The following BUB3 variants were observed in gnomAD, a reference collection of about 807,000 sequenced individuals.
BUB3 encodes the protein BUB3 mitotic checkpoint protein.
BUB3 carries 22 observed loss-of-function variants against 39.9 expected under a neutral mutation model. That is an observed-to-expected ratio of 0.55 (90% CI 0.39 to 0.79). BUB3 has a LOEUF of 0.79. Ranked by LOEUF, BUB3 falls within the 30% of genes least tolerant of loss-of-function variation. BUB3 has a pLI of 0.00. For synonymous variants in BUB3, 168 were observed against 155.1 expected (o/e 1.08, Z -0.62); for missense variants, 303 against 415.4 (o/e 0.73, Z 2.35).
intron 3 of BUB3, 109 bp from the exon 4 acceptor site, chr10:123,157,620 A>G: frequency 7.6e-7 from 1 of 1,314,264 alleles, no homozygotes; most frequent in Non-Finnish European, 1.0e-6. Flanking sequence ...GGATGAGGCA[A>G]ATTCATTACA....
At chr10:123,155,891 A>C (rs61862037) in intron 3 of BUB3, among the ~76,000 whole-genome samples, 164 bp downstream of exon 3, 6 of 152,248 alleles carry the variant, frequency 3.9e-5, no homozygotes, top group African/African-American at 7.2e-5. Context: ...CCATTAAGTT[A>C]CTGATTACAG....
intron 4 of BUB3, 57 bp downstream of exon 4, chr10:123,157,937 G>T (rs1031103928): frequency 2.7e-6 from 4 of 1,498,876 alleles, no homozygotes; most frequent in Non-Finnish European, 3.6e-6. Flanking sequence ...TTTTGTCTTG[G>T]TGCATGATTG....
At chr10:123,162,514 A>G in intron 6 of BUB3, 98 bp from the exon 7 acceptor site, 11 of 1,552,978 alleles carry the variant, frequency 7.1e-6, no homozygotes, top group African/African-American at 1.4e-5. Context: ...CTTTAGGGAA[A>G]TGTAACTTCT....
chr10:123,165,089 CTTTG>C lies in BUB3; in HGVS notation c.*1259_*1262del. On this transcript the variant is annotated 3_prime_UTR_variant, in exon 8 of 8. Transcript: ENST00000368865. The stretch of plus-strand genomic sequence containing the variant: ...GTGAAAGTGGTTTCTCTATGGAAAG[CTTTG>C]TTTGCTTCCTACAAATACATGCTTA... The C allele has an allele frequency of 6.3e-7, 1 of 1,596,524 alleles. No homozygotes were observed.
At position 123,167,945 on chromosome 10, in the gene BUB3, A is replaced by G. The variant is rs1038198020; in HGVS notation, c.*4110A>G. 1.3e-5 allele frequency: 2 copies of G among 152,140 alleles called. No homozygotes were observed. The highest frequency in any genetic ancestry group is 6.6e-5 in the Admixed American group (1 of 15,266). The allele number at this position is 152,140 out of a possible 1,614,324, so 9.4% of individuals were successfully genotyped here. A position where few individuals can be genotyped will look rare whatever the true frequency, so the allele number is the denominator to read the frequency against. ...GTTGACAAATTACATTTACAAATTT[A>G]TGTAATTTTTTACGCTTTTTTTTTT... is the stretch of plus-strand genomic sequence containing the variant. On this transcript the variant is annotated 3_prime_UTR_variant, in exon 8 of 8. Coordinates refer to ENST00000368865, the MANE Select transcript of BUB3 (RefSeq NM_004725.4).
intron 2 of BUB3, among the ~76,000 whole-genome samples, chr10:123,155,398 A>T (rs1282953881): frequency 6.6e-6 from 1 of 152,228 alleles, no homozygotes; most frequent in African/African-American, 2.4e-5. Context: ...TGGCTGCCGT[A>T]TTGAAAGGAA....
chr10:123,156,010 C>T (rs1844343842), intron 3 of BUB3, among the ~76,000 whole-genome samples: 1 of 152,184 alleles, frequency 6.6e-6, no homozygotes, highest in Non-Finnish European at 1.5e-5. Flanking sequence ...TAGAAGTGGG[C>T]TGGATCCCAG....
Position 123,165,079 on chromosome 10 carries a change from C to T in BUB3, c.*1244C>T. The T allele has an allele frequency of 1.2e-6, 2 of 1,607,774 alleles. No homozygotes were observed. Among genetic ancestry groups the T allele is most frequent in the Non-Finnish European group, 1.7e-6 (2 of 1,176,260 alleles). Reference sequence around the variant, plus strand: ...TAATCATCCTGTGAAAGTGGTTTCTCTATGGAAAGCTTTGTTTGCTTCCTA... The same window carrying T: ...TAATCATCCTGTGAAAGTGGTTTCTTTATGGAAAGCTTTGTTTGCTTCCTA... On this transcript the variant is annotated 3_prime_UTR_variant, in exon 8 of 8. Coordinates refer to ENST00000368865, the MANE Select transcript of BUB3 (RefSeq NM_004725.4).
Position 123,164,808 on chromosome 10 carries a change from CT to C in BUB3, c.*975del. The C allele has an allele frequency of 7.9e-7, 1 of 1,271,972 alleles. No homozygotes were observed. Among genetic ancestry groups the C allele is most frequent in the South Asian group, 2.7e-5 (1 of 37,092 alleles). 78.8% of individuals were successfully genotyped at this position (1,271,972 alleles called of 1,614,324 possible). A position where few individuals can be genotyped will look rare whatever the true frequency, so the allele number is the denominator to read the frequency against. ...GCACTAAAGCAGAACACGAACTTAG[CT>C]TGGCCTATTCTAGGTAGTTCCAAAT... On this transcript the variant is annotated 3_prime_UTR_variant, in exon 8 of 8. Coordinates refer to ENST00000368865, the MANE Select transcript of BUB3 (RefSeq NM_004725.4).
chr10:123,162,307 G>A lies in BUB3; in HGVS notation c.648G>A (p.Lys216=). 2 of 1,614,154 alleles carry A rather than the reference G, an allele frequency of 1.2e-6. No homozygotes were observed. The highest frequency in any genetic ancestry group is 1.7e-6 in the Non-Finnish European group (2 of 1,180,008). Residue 216 remains lysine (K), a synonymous_variant, in exon 6 of 8, where the codon AAG becomes AAA. Coordinates refer to ENST00000368865, the MANE Select transcript of BUB3 (RefSeq NM_004725.4). Reference sequence around the variant, plus strand: ...TGGACCCAAGCCCTGAGGTACAGAAGAAGAAGTATGCCTTCAAATGTCACA... The same window carrying A: ...TGGACCCAAGCCCTGAGGTACAGAAAAAGAAGTATGCCTTCAAATGTCACA... ...EYLDPSPEVQ[K]KKYAFKCHRL...
chr10:123,162,209 T>G, intron 5 of BUB3, 27 bp from the exon 6 acceptor site: 2 of 1,590,564 alleles, frequency 1.3e-6, no homozygotes, highest in Non-Finnish European at 1.7e-6. Context: ...AATTTACCAT[T>G]TTTTTCCTCT....
At chr10:123,160,296 T>A (rs1374433488) in intron 4 of BUB3, 111 bp from the exon 5 acceptor site, 2 of 961,236 alleles carry the variant, frequency 2.1e-6, no homozygotes, top group East Asian at 5.2e-5. Flanking sequence ...ATTGGGGAAT[T>A]CAGTCAGCTA....
chr10:123,162,364 C>T lies in BUB3; in HGVS notation c.705C>T (p.Tyr235=). The T allele has an allele frequency of 6.2e-7, 1 of 1,614,052 alleles. No individual in the cohort carries two copies. Among genetic ancestry groups the T allele is most frequent in the Non-Finnish European group, 8.5e-7 (1 of 1,179,982 alleles). ...RLKENNIEQI[Y]PVNAISFHNI... ...AAGAAAATAATATTGAGCAGATTTA[C>T]CCAGTCAATGCCATTTCTTTTCACA... Residue 235 remains tyrosine, a synonymous_variant, in exon 6 of 8, where the codon TAC becomes TAT. Transcript: ENST00000368865.
At chr10:123,157,655 G>A in intron 3 of BUB3, 74 bp from the exon 4 acceptor site, 1 of 1,451,568 alleles carries the variant, frequency 6.9e-7, no homozygotes, top group South Asian at 1.5e-5. Context: ...TCTTTTAATT[G>A]TTTATTTTAG....
At chr10:123,157,285 T>C (rs947766552) in intron 3 of BUB3, among the ~76,000 whole-genome samples, 5 of 152,240 alleles carry the variant, frequency 3.3e-5, no homozygotes, top group Non-Finnish European at 5.9e-5. Context: ...AACATAAATG[T>C]TGTTGATCCA....
chr10:123,156,753 G>GTTTTTTGTTTTTTTTTTTTTTTTTTTTTT (rs1844352719), intron 3 of BUB3, among the ~76,000 whole-genome samples: 4 of 135,080 alleles, frequency 3.0e-5, no homozygotes, highest in African/African-American at 1.1e-4. Context: ...TTTCTTTCTT[G>GTTTTTTGTTTTTTTTTTTTTTTTTTTTTT]TTTTTTTTTT....
At position 123,155,707 on chromosome 10, in the gene BUB3, A is replaced by G; in HGVS notation, c.245A>G (p.His82Arg). 4 of 1,614,066 alleles carry G rather than the reference A, an allele frequency of 2.5e-6. No individual in the cohort carries two copies. The highest frequency in any genetic ancestry group is 2.2e-5 in the South Asian group (2 of 91,080). Residue 82 changes from histidine (H) to arginine (R), a missense_variant, in exon 3 of 8, where the codon CAT (histidine) becomes CGT (arginine). Physicochemically the swap from His to Arg is conservative, Grantham distance 29 (BLOSUM62 0). Around this residue, in one of 2 missense-constraint regions of BUB3, gnomAD observed 121 missense variants for 122.3 expected, o/e 0.99. Transcript: ENST00000368865. Reference protein sequence around the residue: ...SGGLDHQLKMHDLNTDQENLV... With the variant: ...SGGLDHQLKMRDLNTDQENLV... ...GGACTAGATCATCAATTGAAAATGC[A>G]TGATTTGAACACTGATCAAGGTAAT...
Position 123,162,773 on chromosome 10 carries a change from C to T in BUB3, c.916C>T (p.His306Tyr). 1.2e-6 allele frequency: 2 copies of T among 1,613,946 alleles called. No homozygotes were observed. Among genetic ancestry groups the T allele is most frequent in the Middle Eastern group, 1.7e-4 (1 of 6,060 alleles). The change falls in exon 7 of 8, where the codon CAT becomes TAT. Residue 306 changes from histidine to tyrosine, a missense_variant. By Grantham distance (83) the His-to-Tyr change is moderately conservative. Transcript: ENST00000368865. ...SYMYEMDDTE[H>Y]PEDGIFIRQV... Reference sequence around the variant, plus strand: ...TATGTATGAAATGGATGACACAGAACATCCTGAAGATGGTATCTTCATTCG... The same window carrying T: ...TATGTATGAAATGGATGACACAGAATATCCTGAAGATGGTATCTTCATTCG...
rs550254534 is a variant in BUB3 at position 123,167,324 on chromosome 10, G to A, written c.*3489G>A. 4 of 152,306 alleles carry A rather than the reference G, an allele frequency of 2.6e-5. No individual in the cohort carries two copies. Among genetic ancestry groups the A allele is most frequent in the African/African-American group, 7.2e-5 (3 of 41,554 alleles). 9.4% of individuals were successfully genotyped at this position (152,306 alleles called of 1,614,324 possible). On this transcript the variant is annotated 3_prime_UTR_variant, in exon 8 of 8. Coordinates refer to ENST00000368865, the MANE Select transcript of BUB3 (RefSeq NM_004725.4). Reference sequence around the variant, plus strand: ...TTTAATTTGAATCCTGCAAAGTCCTGTTCAAGGCCCCCTTTTCCATGAAGC... The same window carrying A: ...TTTAATTTGAATCCTGCAAAGTCCTATTCAAGGCCCCCTTTTCCATGAAGC...
Sources: gnomAD v4.1 joint callset for allele counts (sites outside exome capture counted in the v4.1 genomes callset) on GRCh38, gnomAD v4.1.1 for gene constraint, gnomAD v4.1.1 regional missense constraint, MANE v1.5 for transcripts, NCBI Gene and HGNC (gene_info 2026-07-23, HGNC 2026-07-21) for gene names.